Variants in PTPRD observed in about 807,000 individuals in gnomAD.
PTPRD encodes receptor-type tyrosine-protein phosphatase delta.
PTPRD carries 34 observed loss-of-function variants against 214.5 expected under a neutral mutation model. That is an observed-to-expected ratio of 0.16 (90% CI 0.12 to 0.21). The LOEUF (loss-of-function observed/expected upper bound fraction) is 0.21, where lower values mean the gene tolerates loss of function less well. Among genes scored for constraint, PTPRD ranks in the 10% least tolerant of loss-of-function variants. PTPRD has a pLI of 1.00. For synonymous variants in PTPRD, 1,128 were observed against 845.7 expected (o/e 1.33, Z -5.79); for missense variants, 2,545 against 2,398.7 (o/e 1.06, Z -1.27).
intron 10 of PTPRD, among the ~76,000 whole-genome samples, chr9:9,072,068 T>C (rs564459537): frequency 8.5e-5 from 13 of 152,250 alleles, no homozygotes; most frequent in African/African-American, 2.9e-4. Flanking sequence ...TGCAGATGTT[T>C]GATTTTGCAA....
intron 34 of PTPRD, among the ~76,000 whole-genome samples, chr9:8,446,826 T>C (rs898939689): frequency 2.6e-5 from 4 of 152,166 alleles, no homozygotes; most frequent in Admixed American, 1.3e-4. Flanking sequence ...AGAAAACCCT[T>C]GATTCTTCGT....
chr9:10,251,515 T>C (rs1307625666), intron 3 of PTPRD, among the ~76,000 whole-genome samples: 1 of 152,170 alleles, frequency 6.6e-6, no homozygotes, highest in Non-Finnish European at 1.5e-5. Context: ...TAGCTCTGTT[T>C]TCTAATCTTC....
Position 9,814,834 on chromosome 9 carries a change from C to T in PTPRD, c.-367-47983G>A, listed in dbSNP as rs529888072. On this transcript the variant is annotated intron_variant, in intron 5 of 45. Transcript: ENST00000381196. ...TTTTTTTTCGATACAGAATTTCACTCTGTCACATGGGCTGGAGTACAGTGG... is the reference window on the plus strand; with the variant it reads ...TTTTTTTTCGATACAGAATTTCACTTTGTCACATGGGCTGGAGTACAGTGG... Among the ~76,000 whole-genome samples, 41 of 132,294 alleles carry T rather than the reference C, an allele frequency of 3.1e-4. 1 individual carries two copies. The highest frequency in any genetic ancestry group is 6.8e-4 in the Admixed American group (8 of 11,764). 86.8% of individuals were successfully genotyped at this position (132,294 alleles called of 152,430 possible). A position where few individuals can be genotyped will look rare whatever the true frequency, so the allele number is the denominator to read the frequency against.
intron 2 of PTPRD, among the ~76,000 whole-genome samples, chr9:10,466,439 C>A (rs2098993991): frequency 6.6e-6 from 1 of 151,890 alleles, no homozygotes; most frequent in Non-Finnish European, 1.5e-5. Context: ...GCCTGACCAA[C>A]ATGAAGAAAC....
intron 44 of PTPRD, among the ~76,000 whole-genome samples, chr9:8,321,511 A>ATATATATATATATG: frequency 7.7e-6 from 1 of 129,068 alleles, no homozygotes; most frequent in African/African-American, 2.9e-5. Context: ...ATATATATAT[A>ATATATATATATATG]TATATATATA....
chr9:8,774,116 GAT>G (rs2095358320), intron 11 of PTPRD, among the ~76,000 whole-genome samples: 2 of 152,198 alleles, frequency 1.3e-5, no homozygotes, highest in Non-Finnish European at 1.5e-5. Context: ...AAGCTCCTCA[GAT>G]ATGTTTCCTC....
intron 9 of PTPRD, among the ~76,000 whole-genome samples, chr9:9,292,454 T>C (rs1311359417): frequency 6.6e-6 from 1 of 151,458 alleles, no homozygotes; most frequent in Non-Finnish European, 1.5e-5. Context: ...AGTATTTTTT[T>C]TAAATAAACT....
chr9:9,462,697 T>C (rs1321832047), intron 8 of PTPRD, among the ~76,000 whole-genome samples: 1 of 152,130 alleles, frequency 6.6e-6, no homozygotes, highest in Non-Finnish European at 1.5e-5. Flanking sequence ...CCCTAAATGC[T>C]GTACTTTTCC....
At chr9:8,751,734 A>T (rs1030931152) in intron 11 of PTPRD, among the ~76,000 whole-genome samples, 2 of 152,180 alleles carry the variant, frequency 1.3e-5, no homozygotes. Context: ...TAACACCCCA[A>T]CATGAAGTCA....
At chr9:8,417,027 C>T (rs895810446) in intron 35 of PTPRD, among the ~76,000 whole-genome samples, 7 of 152,066 alleles carry the variant, frequency 4.6e-5, no homozygotes, top group African/African-American at 1.7e-4. Context: ...TATCATGGAG[C>T]ATAATTCCTT....
intron 5 of PTPRD, among the ~76,000 whole-genome samples, chr9:9,885,557 A>G (rs778307797): frequency 6.6e-6 from 1 of 151,996 alleles, no homozygotes; most frequent in Non-Finnish European, 1.5e-5. Flanking sequence ...GGATTTTGAG[A>G]TGGGGGGACT....
At chr9:8,389,151 A>T in intron 37 of PTPRD, 81 bp downstream of exon 37, 2 of 1,273,862 alleles carry the variant, frequency 1.6e-6, no homozygotes, top group South Asian at 1.5e-5. Flanking sequence ...GAAAGGTTAG[A>T]TTCTGAACAG....
intron 9 of PTPRD, among the ~76,000 whole-genome samples, chr9:9,243,112 AC>A (rs1464256343): frequency 6.6e-6 from 1 of 152,048 alleles, no homozygotes; most frequent in Non-Finnish European, 1.5e-5. Context: ...TCAACACCAG[AC>A]CCTGTTTGCC....
chr9:9,138,073 C>T (rs923686510), intron 10 of PTPRD, among the ~76,000 whole-genome samples: 5 of 152,078 alleles, frequency 3.3e-5, no homozygotes, highest in Non-Finnish European at 5.9e-5. Context: ...GATGCTAAAG[C>T]TCAAGACATT....
intron 2 of PTPRD, among the ~76,000 whole-genome samples, chr9:10,524,823 T>C (rs2053712165): frequency 6.6e-6 from 1 of 152,092 alleles, no homozygotes; most frequent in African/African-American, 2.4e-5. Context: ...ATTTCATTTT[T>C]ACATTGTAAA....
chr9:10,383,828 G>A (rs1431305021), intron 2 of PTPRD, among the ~76,000 whole-genome samples: 1 of 151,792 alleles, frequency 6.6e-6, no homozygotes, highest in Admixed American at 6.6e-5. Context: ...CAATAGAAGA[G>A]TATGTTTAGC....
At chr9:8,646,881 C>T (rs1330572429) in intron 12 of PTPRD, among the ~76,000 whole-genome samples, 1 of 152,156 alleles carries the variant, frequency 6.6e-6, no homozygotes, top group African/African-American at 2.4e-5. Context: ...AGATACTATC[C>T]CCTAATCCTG....
chr9:8,765,471 C>A (rs1448726777), intron 11 of PTPRD, among the ~76,000 whole-genome samples: 2 of 152,206 alleles, frequency 1.3e-5, no homozygotes, highest in Non-Finnish European at 2.9e-5. Context: ...GTGAGAAAAA[C>A]CAATCCCTGC....
At chr9:10,505,029 G>A (rs888073630) in intron 2 of PTPRD, among the ~76,000 whole-genome samples, 1 of 152,160 alleles carries the variant, frequency 6.6e-6, no homozygotes, top group Non-Finnish European at 1.5e-5. Flanking sequence ...CTTAATGCAA[G>A]AGCTGTCATA....
Sources: gnomAD v4.1 joint callset for allele counts (sites outside exome capture counted in the v4.1 genomes callset) on GRCh38, gnomAD v4.1.1 for gene constraint, MANE v1.5 for transcripts, NCBI Gene and HGNC (gene_info 2026-07-23, HGNC 2026-07-21) for gene names.